Variants in CENPP observed in about 807,000 individuals in gnomAD.
The protein encoded by CENPP is centromere protein P.
A neutral mutation model predicts 35.6 loss-of-function variants in CENPP; 24 were observed. The ratio of observed to expected loss-of-function variants is 0.67; its 90% CI spans 0.49 to 0.95. CENPP has a LOEUF of 0.95. Ranked by LOEUF, CENPP falls within the 40% of genes least tolerant of loss-of-function variation. The pLI is 0.00. For missense variants in CENPP, 332 were observed against 345.3 expected, an observed-to-expected ratio of 0.96 and a Z score of 0.31; for synonymous variants, 120 against 125.5, an observed-to-expected ratio of 0.96 and a Z score of 0.29.
rs375328673 is a variant in CENPP at position 92,515,056 on chromosome 9, G to T, written c.565-96258G>T. The T allele has an allele frequency of 3.7e-6, 6 of 1,614,088 alleles. No homozygotes were observed. The East Asian group carries it at 1.3e-4, about 36-fold the overall frequency. ...TTCTTCATCCTCCTCAGATTGAAGT[G>T]CTTCTTTTCTTACTATTCGGTCCAT... On this transcript the variant is annotated intron_variant, in intron 5 of 7. Transcript: ENST00000375587.
chr9:92,383,118 G>A (rs1842301326), intron 5 of CENPP, among the ~76,000 whole-genome samples: 1 of 151,788 alleles, frequency 6.6e-6, no homozygotes, highest in South Asian at 2.1e-4. Context: ...GGCTGGTCTC[G>A]AACTCCTGAC....
At chr9:92,342,029 G>A (rs527442963) in intron 3 of CENPP, among the ~76,000 whole-genome samples, 2 of 152,312 alleles carry the variant, frequency 1.3e-5, no homozygotes, top group African/African-American at 4.8e-5. Context: ...AAGTTTTCAA[G>A]GGCTAATATG....
In CENPP at chr9:92,485,792, A is replaced by G. The variant is rs534171060; in HGVS notation, c.564+105933A>G. Among the ~76,000 whole-genome samples the G allele has an allele frequency of 3.0e-4, 46 of 152,352 alleles. 2 individuals carry two copies. In the South Asian group the frequency reaches 9.3e-3, roughly 31 times the overall value. On this transcript the variant is annotated intron_variant, in intron 5 of 7. Transcript: ENST00000375587. ...GCAATCCTCCCATCTCGGCCCCCCA[A>G]AGTGCTGAGATTACAGGTGGGAACC...
At chr9:92,504,362 T>G (rs1392273048) in intron 5 of CENPP, among the ~76,000 whole-genome samples, 1 of 152,226 alleles carries the variant, frequency 6.6e-6, no homozygotes, top group Non-Finnish European at 1.5e-5. Context: ...TCACAATAGA[T>G]GACCCTCTTT....
chr9:92,352,394 A>AG (rs1260654951), intron 4 of CENPP, among the ~76,000 whole-genome samples: 8 of 148,176 alleles, frequency 5.4e-5, no homozygotes, highest in Non-Finnish European at 1.0e-4. Flanking sequence ...ACCAAAAAAA[A>AG]CTAAGATAGT....
chr9:92,432,296 G>A (rs1359532259), intron 5 of CENPP, among the ~76,000 whole-genome samples: 1 of 151,806 alleles, frequency 6.6e-6, no homozygotes, highest in Non-Finnish European at 1.5e-5. Flanking sequence ...TTGCACTCCA[G>A]CCTGGGCGAC....
chr9:92,565,293 T>TAAAAAAAAAAA (rs3078380), intron 5 of CENPP, among the ~76,000 whole-genome samples: 20 of 33,162 alleles, frequency 6.0e-4, no homozygotes, highest in Non-Finnish European at 8.8e-4. Context: ...GCTGATGAGC[T>TAAAAAAAAAAA]AAAAAAAAAA....
chr9:92,521,082 A>G (rs901427078), intron 5 of CENPP, among the ~76,000 whole-genome samples: 20 of 152,252 alleles, frequency 1.3e-4, no homozygotes, highest in African/African-American at 4.6e-4. Flanking sequence ...GTACACTTTA[A>G]AATGGATGAA....
intron 4 of CENPP, among the ~76,000 whole-genome samples, chr9:92,360,088 T>A (rs1564277661): frequency 6.6e-6 from 1 of 152,192 alleles, no homozygotes; most frequent in African/African-American, 2.4e-5. Context: ...TCCTATTCTG[T>A]CATCTTCTCA....
At chr9:92,598,551 C>G (rs146337764) in intron 5 of CENPP, among the ~76,000 whole-genome samples, 2 of 152,290 alleles carry the variant, frequency 1.3e-5, no homozygotes, top group Non-Finnish European at 2.9e-5. Flanking sequence ...GGGTCTCACC[C>G]TGCACTGTGT....
At chr9:92,373,030 A>C (rs1339424414) in intron 4 of CENPP, among the ~76,000 whole-genome samples, 1 of 152,124 alleles carries the variant, frequency 6.6e-6, no homozygotes, top group African/African-American at 2.4e-5. Flanking sequence ...TTATTAAATA[A>C]GTTTCCTAAT....
At chr9:92,474,255 A>G (rs767481476) in intron 5 of CENPP, among the ~76,000 whole-genome samples, 3 of 152,254 alleles carry the variant, frequency 2.0e-5, no homozygotes, top group Non-Finnish European at 4.4e-5. Flanking sequence ...TGTTCTAGAC[A>G]TGCAGCTTAT....
chr9:92,483,365 A>C (rs1325003839), intron 5 of CENPP, among the ~76,000 whole-genome samples: 2 of 152,036 alleles, frequency 1.3e-5, no homozygotes, highest in African/African-American at 4.8e-5. Context: ...AGTAGCTGGG[A>C]CTGCAGGCGC....
chr9:92,403,111 G>C, intron 5 of CENPP: 3 of 606,198 alleles, frequency 4.9e-6, no homozygotes, highest in Non-Finnish European at 8.4e-6. Context: ...TTATGAATTC[G>C]TTTGAATCAT....
At chr9:92,612,998 G>A (rs201421629) in intron 7 of CENPP, 21 bp from the exon 8 acceptor site, 208 of 1,613,710 alleles carry the variant, frequency 1.3e-4, no homozygotes, top group Middle Eastern at 6.6e-4. Context: ...TTTCTTACCC[G>A]GTTTAATGTT....
rs1845724841 is a variant in CENPP, at chr9:92,476,672, C to G, written c.564+96813C>G. Among the ~76,000 whole-genome samples the G allele has an allele frequency of 6.6e-6, 1 of 152,186 alleles. No homozygotes were observed. Among genetic ancestry groups the G allele is most frequent in the African/African-American group, 2.4e-5 (1 of 41,444 alleles). The stretch of plus-strand genomic sequence containing the variant: ...TCCTATGCTGATTCCAATTTCAAAA[C>G]TAGCCCTAGCCTCCCATCTGTACAC... On this transcript the variant is annotated intron_variant, in intron 5 of 7. Transcript: ENST00000375587. The surrounding 1 kb of genome is among the most constrained non-coding windows in gnomAD (Gnocchi z 4.1).
intron 5 of CENPP, among the ~76,000 whole-genome samples, chr9:92,512,741 C>T (rs904401841): frequency 1.3e-5 from 2 of 152,120 alleles, no homozygotes; most frequent in Non-Finnish European, 2.9e-5. Context: ...TTTTTAAACC[C>T]GGAAAGTGAG....
intron 5 of CENPP, among the ~76,000 whole-genome samples, chr9:92,498,585 A>C (rs1349394113): frequency 6.6e-6 from 1 of 152,174 alleles, no homozygotes; most frequent in Admixed American, 6.5e-5. Flanking sequence ...AGAAAAGAGC[A>C]ATTTCTAAAA....
chr9:92,465,346 C>T (rs1413195119), intron 5 of CENPP, among the ~76,000 whole-genome samples: 3 of 152,124 alleles, frequency 2.0e-5, no homozygotes, highest in Admixed American at 6.5e-5. Context: ...AATAGTGCAT[C>T]AAAAAAGATC....
Sources: gnomAD v4.1 joint callset for allele counts (sites outside exome capture counted in the v4.1 genomes callset) on GRCh38, gnomAD v4.1.1 for gene constraint, Gnocchi (gnomAD v3.1) non-coding constraint, MANE v1.5 for transcripts, NCBI Gene and HGNC (gene_info 2026-07-23, HGNC 2026-07-21) for gene names.